The following RANBP2 variants were observed in gnomAD, a reference collection of about 807,000 sequenced individuals.
RANBP2 encodes E3 SUMO-protein ligase RanBP2.
Under a neutral mutation model 303.6 loss-of-function variants are expected in RANBP2, and 57 were observed. The ratio of observed to expected loss-of-function variants is 0.19; its 90% CI spans 0.15 to 0.23. RANBP2 has a LOEUF of 0.23. Among genes scored for constraint, RANBP2 ranks in the 10% least tolerant of loss-of-function variants. The pLI is 1.00. For synonymous variants in RANBP2, 1,167 were observed against 1,301.5 expected, an observed-to-expected ratio of 0.90 and a Z score of 2.23; for missense variants, 3,138 against 3,780.8, an observed-to-expected ratio of 0.83 and a Z score of 4.46.
chr2:108,899,525 G>C, the RANBP2 span, among the ~76,000 whole-genome samples: 7 of 152,190 alleles, frequency 4.6e-5, no homozygotes, highest in Non-Finnish European at 8.8e-5. Context: ...ACATACAATA[G>C]ACTTTCCTTC....
At chr2:109,705,808 G>A in the RANBP2 span, among the ~76,000 whole-genome samples, 1 of 152,286 alleles carries the variant, frequency 6.6e-6, no homozygotes, top group Non-Finnish European at 1.5e-5. Flanking sequence ...TGGAGCCACC[G>A]CCTCCACAGC....
At position 108,753,539 on chromosome 2, in the gene RANBP2, T is replaced by C. The variant is rs1441409452; in HGVS notation, c.2031T>C (p.Val677=). 1.9e-6 allele frequency: 3 copies of C among 1,611,696 alleles called. No homozygotes were observed. The highest frequency in any genetic ancestry group is 2.5e-6 in the Non-Finnish European group (3 of 1,179,812). The part of the protein sequence containing the change: ...AVTAFESIKS[V]VSYWNLALIF... ...CTGCTTTTGAATCTATAAAAAGTGT[T>C]GTTTCTTATTGGAATCTTGCACTGG... is the stretch of plus-strand genomic sequence containing the variant. The change falls in exon 14 of 29, where the codon GTT becomes GTC. Residue 677 remains valine, a synonymous_variant. Coordinates refer to ENST00000283195, the MANE Select transcript of RANBP2 (RefSeq NM_006267.5).
At chr2:109,197,956 G>A in the RANBP2 span, among the ~76,000 whole-genome samples, 3 of 152,230 alleles carry the variant, frequency 2.0e-5, no homozygotes, top group East Asian at 3.8e-4. Context: ...TGGCATCTGG[G>A]TGAGGCCCAG....
chr2:108,858,441 G>A, the RANBP2 span, among the ~76,000 whole-genome samples: 3 of 152,152 alleles, frequency 2.0e-5, no homozygotes, highest in Non-Finnish European at 4.4e-5. Context: ...TACTAAAGCC[G>A]TATTGTGTTT....
At chr2:109,277,349 T>C in the RANBP2 span, among the ~76,000 whole-genome samples, 1 of 152,196 alleles carries the variant, frequency 6.6e-6, no homozygotes, top group African/African-American at 2.4e-5. Flanking sequence ...ATTTTCTCAG[T>C]GTCATTTCAT....
At chr2:109,590,046 ATATG>A in the RANBP2 span, among the ~76,000 whole-genome samples, 1,219 of 147,746 alleles carry the variant, frequency 8.3e-3, 12 homozygotes, top group Non-Finnish European at 0.013. Flanking sequence ...ACACACATAT[ATATG>A]TGTGTGTATA....
the RANBP2 span, among the ~76,000 whole-genome samples, chr2:109,373,507 G>A: frequency 6.6e-6 from 1 of 152,200 alleles, no homozygotes; most frequent in Non-Finnish European, 1.5e-5. Context: ...GGCTTTAAGG[G>A]CATAGGCAAA....
chr2:109,632,527 T>C, the RANBP2 span, among the ~76,000 whole-genome samples: 2 of 152,196 alleles, frequency 1.3e-5, no homozygotes, highest in Non-Finnish European at 2.9e-5. Flanking sequence ...TAAAACTTGA[T>C]GTCCAGCCGG....
chr2:109,122,080 A>G, the RANBP2 span, among the ~76,000 whole-genome samples: 1 of 152,188 alleles, frequency 6.6e-6, no homozygotes, highest in Non-Finnish European at 1.5e-5. Context: ...GCTACATGGG[A>G]GAGAGGGATC....
the RANBP2 span, among the ~76,000 whole-genome samples, chr2:109,432,845 G>C: frequency 1.3e-5 from 2 of 152,388 alleles, no homozygotes; most frequent in East Asian, 3.9e-4. Context: ...CACCTTCTGA[G>C]CTGGGTTTGC....
the RANBP2 span, among the ~76,000 whole-genome samples, chr2:109,169,514 G>C: frequency 5.3e-5 from 8 of 152,022 alleles, no homozygotes; most frequent in Non-Finnish European, 7.4e-5. Context: ...GTGCTCTCTT[G>C]GTCATGGGTC....
the RANBP2 span, among the ~76,000 whole-genome samples, chr2:109,100,784 G>GA: frequency 5.9e-5 from 9 of 151,938 alleles, no homozygotes; most frequent in South Asian, 2.1e-4. Flanking sequence ...GACTTCCAGG[G>GA]AAAAAAAAGA....
At chr2:109,304,436 C>T in the RANBP2 span, among the ~76,000 whole-genome samples, 1 of 152,086 alleles carries the variant, frequency 6.6e-6, no homozygotes, top group Admixed American at 6.6e-5. Flanking sequence ...TTTTTTAAGG[C>T]TGAGTTGCCC....
At chr2:109,098,553 T>C in the RANBP2 span, among the ~76,000 whole-genome samples, 1 of 152,256 alleles carries the variant, frequency 6.6e-6, no homozygotes, top group African/African-American at 2.4e-5. Context: ...AGATGACTGA[T>C]ACACTCTTTG....
chr2:108,750,656 C>G (rs542961869), intron 9 of RANBP2, among the ~76,000 whole-genome samples: 1 of 151,594 alleles, frequency 6.6e-6, no homozygotes, highest in African/African-American at 2.4e-5. Context: ...GGCGCAATCT[C>G]GGCTCACTGC....
the RANBP2 span, among the ~76,000 whole-genome samples, chr2:108,848,137 A>G: frequency 6.6e-6 from 1 of 152,246 alleles, no homozygotes; most frequent in Non-Finnish European, 1.5e-5. Flanking sequence ...AATTTAATAT[A>G]AGAAAAATTA....
chr2:109,005,545 C>G, the RANBP2 span, among the ~76,000 whole-genome samples: 1 of 152,242 alleles, frequency 6.6e-6, no homozygotes, highest in African/African-American at 2.4e-5. Flanking sequence ...CTCTCTGAAG[C>G]CTTCCTGGGC....
the RANBP2 span, chr2:109,568,005 TACTG>T: frequency 1.3e-6 from 2 of 1,525,080 alleles, no homozygotes; most frequent in Admixed American, 4.2e-5. Flanking sequence ...AACAAAATCT[TACTG>T]AGGATTTTTT....
At chr2:109,158,247 C>T in the RANBP2 span, among the ~76,000 whole-genome samples, 3 of 152,168 alleles carry the variant, frequency 2.0e-5, no homozygotes, top group Non-Finnish European at 4.4e-5. Flanking sequence ...GGATGACTGA[C>T]AGGAAGTCCA....
Sources: allele counts gnomAD v4.1 joint callset (sites outside exome capture counted in the v4.1 genomes callset), GRCh38; gene constraint gnomAD v4.1.1; transcripts MANE v1.5; gene names NCBI Gene and HGNC (gene_info 2026-07-23, HGNC 2026-07-21).